SORCS2: variants seen among roughly 807,000 people sequenced by gnomAD.
SORCS2 encodes VPS10 domain-containing receptor SorCS2.
Under a neutral mutation model 141.6 loss-of-function variants are expected in SORCS2, and 100 were observed. The ratio of observed to expected loss-of-function variants is 0.71; its 90% CI spans 0.60 to 0.83. The LOEUF (loss-of-function observed/expected upper bound fraction) is 0.83, where lower values mean the gene tolerates loss of function less well. Ranked by LOEUF, SORCS2 falls within the 40% of genes least tolerant of loss-of-function variation. The pLI, the probability that SORCS2 is intolerant of heterozygous loss-of-function variation, is 0.00. For missense variants in SORCS2, 1,646 were observed against 1,560.2 expected (o/e 1.05, Z -0.93); for synonymous variants, 789 against 676.9 (o/e 1.17, Z -2.57).
chr4:7,601,616 CAAAAAAA>C (rs1168678841), intron 3 of SORCS2, among the ~76,000 whole-genome samples: 1,399 of 45,672 alleles, frequency 0.031, 44 homozygotes, highest in African/African-American at 0.1. Flanking sequence ...AAGACTCTCT[CAAAAAAA>C]AAAAAAAAAA....
At chr4:7,251,906 A>C (rs1340611838) in intron 1 of SORCS2, among the ~76,000 whole-genome samples, 1 of 152,140 alleles carries the variant, frequency 6.6e-6, no homozygotes, top group Non-Finnish European at 1.5e-5. Flanking sequence ...GGCAAGGAGA[A>C]AGGGGAAAGC....
At chr4:7,340,236 G>A (rs1053257475) in intron 1 of SORCS2, among the ~76,000 whole-genome samples, 7 of 152,260 alleles carry the variant, frequency 4.6e-5, no homozygotes, top group Non-Finnish European at 8.8e-5. Flanking sequence ...AGGCCTGTAC[G>A]ACCCTCACAC....
chr4:7,726,304 G>A (rs140264229), intron 20 of SORCS2, among the ~76,000 whole-genome samples: 2 of 152,322 alleles, frequency 1.3e-5, no homozygotes, highest in East Asian at 1.9e-4. Context: ...GAGAAGGAAG[G>A]GGGTGCTGGG....
At chr4:7,454,225 T>C (rs1577590628) in intron 2 of SORCS2, among the ~76,000 whole-genome samples, 1 of 104,192 alleles carries the variant, frequency 9.6e-6, no homozygotes, top group Admixed American at 1.0e-4. Context: ...GTGCTGTGTG[T>C]TGGGGTCAGG....
chr4:7,481,421 G>T (rs1730627089), intron 2 of SORCS2, among the ~76,000 whole-genome samples: 1 of 152,190 alleles, frequency 6.6e-6, no homozygotes, highest in Non-Finnish European at 1.5e-5. Context: ...GAGAACGGTG[G>T]CCTCTAGGCG....
chr4:7,242,090 G>A (rs2108792263), intron 1 of SORCS2, among the ~76,000 whole-genome samples: 1 of 152,316 alleles, frequency 6.6e-6, no homozygotes, highest in Non-Finnish European at 1.5e-5. Context: ...GACCCACCCT[G>A]GCTGCCGCAC....
chr4:7,220,178 C>T (rs1018168093), intron 1 of SORCS2, among the ~76,000 whole-genome samples: 10 of 152,048 alleles, frequency 6.6e-5, no homozygotes, highest in East Asian at 1.9e-4. Flanking sequence ...ATGTGCGAGG[C>T]GGCCCTGCAC....
chr4:7,396,273 C>A lies in SORCS2; in HGVS notation c.481-15C>A. The A allele has an allele frequency of 6.2e-7, 1 of 1,613,486 alleles. No individual in the cohort carries two copies. Among genetic ancestry groups the A allele is most frequent in the Non-Finnish European group, 8.5e-7 (1 of 1,179,632 alleles). On this transcript the variant is annotated splice_polypyrimidine_tract_variant and intron_variant, in intron 1 of 26. Transcript: ENST00000507866. ...CCCACTGATTTCTGCCTTTTACTTTCTGTTAACACCACAGGTGATCTTGAT... is the reference window on the plus strand; with the variant it reads ...CCCACTGATTTCTGCCTTTTACTTTATGTTAACACCACAGGTGATCTTGAT...
At chr4:7,316,706 A>G (rs1010110510) in intron 1 of SORCS2, among the ~76,000 whole-genome samples, 2 of 152,206 alleles carry the variant, frequency 1.3e-5, no homozygotes, top group Non-Finnish European at 2.9e-5. Flanking sequence ...TGTTCTGTTC[A>G]TAGTAGAAAT....
intron 3 of SORCS2, among the ~76,000 whole-genome samples, chr4:7,553,031 C>T (rs1713831058): frequency 6.6e-6 from 1 of 152,084 alleles, no homozygotes; most frequent in Non-Finnish European, 1.5e-5. Flanking sequence ...GAACTAGAGG[C>T]CATTTTGGAA....
intron 1 of SORCS2, among the ~76,000 whole-genome samples, chr4:7,204,481 G>T (rs937079705): frequency 6.6e-6 from 1 of 152,172 alleles, no homozygotes; most frequent in East Asian, 1.9e-4. Flanking sequence ...GCCTCCAAAA[G>T]TGTTGAGATT....
At chr4:7,298,772 T>C (rs1202894999) in intron 1 of SORCS2, among the ~76,000 whole-genome samples, 1 of 152,090 alleles carries the variant, frequency 6.6e-6, no homozygotes, top group African/African-American at 2.4e-5. Flanking sequence ...GAGCCTGAGG[T>C]CCCCGGGCCT....
chr4:7,673,590 C>T (rs1301492676), intron 8 of SORCS2, among the ~76,000 whole-genome samples: 1 of 152,188 alleles, frequency 6.6e-6, no homozygotes, highest in East Asian at 1.9e-4. Flanking sequence ...AGAGAAAGCC[C>T]AAACGTAAAC....
intron 1 of SORCS2, among the ~76,000 whole-genome samples, chr4:7,325,502 TCA>T (rs1453229433): frequency 6.6e-6 from 1 of 151,932 alleles, no homozygotes; most frequent in Non-Finnish European, 1.5e-5. Context: ...ACTGTTGGTC[TCA>T]CACAGCTGCA....
rs1184474533 is a variant in SORCS2 at position 7,429,099 on chromosome 4, G to T, written c.548+32744G>T. On this transcript the variant is annotated intron_variant, in intron 2 of 26. Coordinates refer to ENST00000507866, the MANE Select transcript of SORCS2 (RefSeq NM_020777.3). ...GGGTTTGTCCAGGGGTGGCAGAGTT[G>T]TTGACTTTTGACTTGGTGCACTGCA... is the stretch of plus-strand genomic sequence containing the variant. Among the ~76,000 whole-genome samples the T allele has an allele frequency of 3.9e-5, 6 of 152,190 alleles. No homozygotes were observed. In the East Asian group the frequency reaches 1.2e-3, roughly 29 times the overall value.
chr4:7,707,814 C>T (rs1323332997), intron 14 of SORCS2, among the ~76,000 whole-genome samples: 4 of 152,216 alleles, frequency 2.6e-5, no homozygotes, highest in Admixed American at 6.5e-5. Flanking sequence ...GACAGACGCT[C>T]ATGGGGATGA....
chr4:7,522,333 C>T (rs1215665790), intron 2 of SORCS2, among the ~76,000 whole-genome samples: 6 of 152,214 alleles, frequency 3.9e-5, no homozygotes, highest in Admixed American at 3.9e-4. Flanking sequence ...TGAATATGTA[C>T]AAACACTCAG....
At chr4:7,600,662 C>CT (rs1717608382) in intron 3 of SORCS2, among the ~76,000 whole-genome samples, 1 of 107,214 alleles carries the variant, frequency 9.3e-6, no homozygotes, top group African/African-American at 4.3e-5. Context: ...TATATACACA[C>CT]ACACACACAC....
At chr4:7,712,531 A>C (rs1725889447) in intron 14 of SORCS2, among the ~76,000 whole-genome samples, 1 of 152,192 alleles carries the variant, frequency 6.6e-6, no homozygotes, top group Admixed American at 6.5e-5. Context: ...GGGAATATTC[A>C]CGCCGAAGCC....
Sources: allele counts gnomAD v4.1 joint callset (sites outside exome capture counted in the v4.1 genomes callset), GRCh38; gene constraint gnomAD v4.1.1; transcripts MANE v1.5; gene names NCBI Gene and HGNC (gene_info 2026-07-23, HGNC 2026-07-21).